IPCEF1: variants seen among roughly 807,000 people sequenced by gnomAD.
The protein encoded by IPCEF1 is interactor protein for cytohesin exchange factors 1.
In IPCEF1, 31 loss-of-function variants were observed where a neutral mutation model predicts 50.9. The observed-to-expected ratio is 0.61, with a 90% confidence interval of 0.46 to 0.82. IPCEF1 has a LOEUF of 0.82. Ranked by LOEUF, IPCEF1 falls within the 40% of genes least tolerant of loss-of-function variation. The pLI is 0.00. For synonymous variants in IPCEF1, 181 were observed against 192.0 expected (o/e 0.94, Z 0.47); for missense variants, 458 against 514.0 (o/e 0.89, Z 1.05).
intron 1 of IPCEF1, among the ~76,000 whole-genome samples, chr6:154,352,362 T>C (rs949645605): frequency 2.0e-5 from 3 of 152,244 alleles, no homozygotes; most frequent in Admixed American, 2.0e-4. Context: ...GCTTAGTGCA[T>C]GCTGGGTTTT....
At chr6:154,247,110 G>T (rs1295268534) in intron 4 of IPCEF1, 4 of 398,654 alleles carry the variant, frequency 1.0e-5, no homozygotes, top group Non-Finnish European at 1.8e-5. Flanking sequence ...AAGGCTGGCG[G>T]GCATATCAGT....
At chr6:154,219,902 T>C (rs776515284) in intron 7 of IPCEF1, among the ~76,000 whole-genome samples, 4 of 151,992 alleles carry the variant, frequency 2.6e-5, no homozygotes, top group Non-Finnish European at 4.4e-5. Flanking sequence ...TGTCCTCATC[T>C]GGAGGGTGAT....
intron 2 of IPCEF1, among the ~76,000 whole-genome samples, chr6:154,286,751 C>T (rs1016197634): frequency 1.3e-5 from 2 of 152,206 alleles, no homozygotes; most frequent in African/African-American, 4.8e-5. Flanking sequence ...AGAGTCTGAA[C>T]TTTGCCTTCA....
intron 1 of IPCEF1, among the ~76,000 whole-genome samples, chr6:154,328,291 G>A (rs946699413): frequency 3.9e-5 from 6 of 152,192 alleles, no homozygotes; most frequent in Non-Finnish European, 7.4e-5. Context: ...CTAAAGCGTG[G>A]CTGATGAACA....
At chr6:154,178,372 G>A (rs1233653185) in intron 10 of IPCEF1, among the ~76,000 whole-genome samples, 2 of 151,962 alleles carry the variant, frequency 1.3e-5, no homozygotes, top group African/African-American at 2.4e-5. Context: ...AGAATCTTAG[G>A]ATAACATGGC....
chr6:154,205,438 T>C (rs1017554651), intron 9 of IPCEF1, among the ~76,000 whole-genome samples: 5 of 152,010 alleles, frequency 3.3e-5, no homozygotes, highest in Non-Finnish European at 7.4e-5. Flanking sequence ...CTACTAAAAA[T>C]ACAAAAATTA....
chr6:154,249,490 G>C (rs1437974232), intron 3 of IPCEF1, among the ~76,000 whole-genome samples: 15 of 152,172 alleles, frequency 9.9e-5, no homozygotes, highest in Non-Finnish European at 1.3e-4. Flanking sequence ...GACAAACCAA[G>C]AACCAGGGGA....
In IPCEF1 at chr6:154,242,606, GC is replaced by G. The variant is rs561964778; in HGVS notation, c.246+3984del. On this transcript the variant is annotated intron_variant, in intron 5 of 11. Transcript: ENST00000367220. ...AAGCATGATAGTAAGAAAAGTATAG[GC>G]CAAGTGCGGTGGCTCACATCTGTAA... Among the ~76,000 whole-genome samples the G allele has an allele frequency of 4.6e-5, 7 of 152,272 alleles. No homozygotes were observed. The East Asian group carries it at 1.2e-3, about 25-fold the overall frequency.
chr6:154,192,318 CTGTGTG>C (rs56231733), intron 10 of IPCEF1, among the ~76,000 whole-genome samples: 9,299 of 148,058 alleles, frequency 0.063, 399 homozygotes, highest in African/African-American at 0.12. Flanking sequence ...CACGTGGTTA[CTGTGTG>C]TGTGTGTGTG....
intron 9 of IPCEF1, among the ~76,000 whole-genome samples, chr6:154,207,838 AT>A (rs1279028211): frequency 6.6e-6 from 1 of 152,248 alleles, no homozygotes; most frequent in African/African-American, 2.4e-5. Context: ...AATAATCTGC[AT>A]AAGCTTCTAG....
intron 9 of IPCEF1, among the ~76,000 whole-genome samples, chr6:154,207,185 C>A (rs971792690): frequency 2.6e-5 from 4 of 152,154 alleles, no homozygotes; most frequent in African/African-American, 9.7e-5. Flanking sequence ...TGGGGGAGAG[C>A]CACCGGGCTG....
intron 5 of IPCEF1, among the ~76,000 whole-genome samples, chr6:154,242,688 A>C (rs1014760223): frequency 2.0e-5 from 3 of 152,164 alleles, no homozygotes; most frequent in African/African-American, 7.2e-5. Flanking sequence ...GGAGTTCGAG[A>C]CTAGCCTGGC....
At chr6:154,310,123 A>T (rs1783044015) in intron 1 of IPCEF1, among the ~76,000 whole-genome samples, 1 of 152,146 alleles carries the variant, frequency 6.6e-6, no homozygotes, top group African/African-American at 2.4e-5. Context: ...GTCTGTTCCT[A>T]CTGCTCCAAT....
intron 1 of IPCEF1, among the ~76,000 whole-genome samples, chr6:154,291,883 C>G (rs189035134): frequency 6.6e-6 from 1 of 151,994 alleles, no homozygotes; most frequent in African/African-American, 2.4e-5. Context: ...CGGGGTTTCA[C>G]CGTGTTAGCC....
At chr6:154,309,765 CTTG>C (rs1783031042) in intron 1 of IPCEF1, among the ~76,000 whole-genome samples, 1 of 137,932 alleles carries the variant, frequency 7.2e-6, no homozygotes, top group African/African-American at 2.9e-5. Context: ...CTTTTCTTTT[CTTG>C]TTTTTTTTTT....
intron 1 of IPCEF1, among the ~76,000 whole-genome samples, chr6:154,323,477 C>CGTTTATTTAGTATTTACAAATAAAT (rs564164947): frequency 0.011 from 1,643 of 152,182 alleles, 15 homozygotes; most frequent in South Asian, 0.018. Context: ...TACAAATAAA[C>CGTTTATTTAGTATTTACAAATAAAT]GTTTATTTAG....
chr6:154,333,164 T>A (rs1562293173), intron 1 of IPCEF1, among the ~76,000 whole-genome samples: 1 of 152,292 alleles, frequency 6.6e-6, no homozygotes, highest in Admixed American at 6.5e-5. Context: ...TTTAGTTGTT[T>A]TTTGTGATGA....
At position 154,211,470 on chromosome 6, in the gene IPCEF1, T is replaced by G. The variant is rs578167048; in HGVS notation, c.537+1300A>C. ...CCTATAAAGCTAAACAGACTGGGAT[T>G]CCCATCTCAGGCACTCACTGGACAC... On this transcript the variant is annotated intron_variant, in intron 9 of 11. Transcript: ENST00000367220. Among the ~76,000 whole-genome samples the G allele has an allele frequency of 2.0e-5, 3 of 151,782 alleles. No homozygotes were observed. In the East Asian group the frequency reaches 5.8e-4, roughly 29 times the overall value.
chr6:154,348,637 T>C (rs907461184), intron 1 of IPCEF1, among the ~76,000 whole-genome samples: 1 of 152,222 alleles, frequency 6.6e-6, no homozygotes, highest in African/African-American at 2.4e-5. Context: ...GACTATTTTT[T>C]GTCAGGATGG....
Sources: allele counts gnomAD v4.1 joint callset (sites outside exome capture counted in the v4.1 genomes callset), GRCh38; gene constraint gnomAD v4.1.1; transcripts MANE v1.5; gene names NCBI Gene and HGNC (gene_info 2026-07-23, HGNC 2026-07-21).